WDR7: variants seen among roughly 807,000 people sequenced by gnomAD.
The protein encoded by WDR7 is WD repeat domain 7, also known as WD repeat-containing protein 7.
A neutral mutation model predicts 169.4 loss-of-function variants in WDR7; 46 were observed. The observed-to-expected ratio is 0.27, with a 90% CI of 0.21 to 0.35. The LOEUF (loss-of-function observed/expected upper bound fraction) is 0.35. Ranked by LOEUF, WDR7 falls within the 10% of genes least tolerant of loss-of-function variation. WDR7 has a pLI of 1.00. For missense variants in WDR7, 1,534 were observed against 1,859.3 expected, an observed-to-expected ratio of 0.83 and a Z score of 3.22; for synonymous variants, 612 against 666.8, an observed-to-expected ratio of 0.92 and a Z score of 1.27.
chr18:56,811,979 T>C lies in WDR7; in HGVS notation c.3191-4052T>C, dbSNP rs563589198. 3.3e-5 allele frequency among the ~76,000 whole-genome samples: 5 copies of C among 152,330 alleles called. No individual in the cohort carries two copies. In the South Asian group the frequency reaches 8.3e-4, roughly 25 times the overall value. On this transcript the variant is annotated intron_variant, in intron 19 of 27. Transcript: ENST00000254442. ...TCTTTCATATAATTTTAGAATACTTTTGTTGATATCTACAAAAAACTTACT... is the reference window on the plus strand; with the variant it reads ...TCTTTCATATAATTTTAGAATACTTCTGTTGATATCTACAAAAAACTTACT...
chr18:56,790,175 T>C (rs1474827443), intron 19 of WDR7, among the ~76,000 whole-genome samples: 2 of 152,248 alleles, frequency 1.3e-5, no homozygotes, highest in African/African-American at 2.4e-5. Context: ...CTTTTAAATA[T>C]AAATTTTCTT....
chr18:56,882,941 G>A (rs899632422), intron 21 of WDR7, among the ~76,000 whole-genome samples: 5 of 152,022 alleles, frequency 3.3e-5, no homozygotes, highest in South Asian at 2.1e-4. Context: ...ATGTAGGAAC[G>A]GCTGGGCGCG....
At chr18:56,761,715 CATAT>C (rs1266507902) in intron 16 of WDR7, among the ~76,000 whole-genome samples, 1 of 151,524 alleles carries the variant, frequency 6.6e-6, no homozygotes, top group Non-Finnish European at 1.5e-5. Context: ...AGATATATAA[CATAT>C]ATATCTAAAT....
chr18:56,721,286 C>T (rs191225714), intron 13 of WDR7, among the ~76,000 whole-genome samples: 3 of 152,186 alleles, frequency 2.0e-5, no homozygotes, highest in East Asian at 1.9e-4. Flanking sequence ...TTCCTTTATA[C>T]GTTTATGCAG....
At chr18:56,704,039 T>C (rs1249920664) in intron 12 of WDR7, among the ~76,000 whole-genome samples, 2 of 152,214 alleles carry the variant, frequency 1.3e-5, no homozygotes, top group African/African-American at 4.8e-5. Context: ...ATCCTGTTTA[T>C]AATCTTTTAA....
chr18:56,861,369 T>G (rs901460382), intron 20 of WDR7, among the ~76,000 whole-genome samples: 1 of 152,226 alleles, frequency 6.6e-6, no homozygotes, highest in Non-Finnish European at 1.5e-5. Context: ...GAGTGTGTTC[T>G]GTATTCAGCA....
At chr18:57,032,067 A>G (rs1467891134), downstream of WDR7, 4 of 152,180 alleles carry the variant, frequency 2.6e-5, no homozygotes, top group Non-Finnish European at 5.9e-5. Context: ...CCATATTGCT[A>G]TGTGTTACCA....
chr18:56,843,403 C>A (rs1218969971), intron 20 of WDR7, among the ~76,000 whole-genome samples: 1 of 152,144 alleles, frequency 6.6e-6, no homozygotes, highest in Non-Finnish European at 1.5e-5. Flanking sequence ...CTCTGTCAAC[C>A]ACTGTTCTGC....
intron 1 of WDR7, among the ~76,000 whole-genome samples, chr18:56,670,703 G>T (rs896209950): frequency 2.6e-5 from 4 of 152,044 alleles, no homozygotes; most frequent in African/African-American, 7.2e-5. Context: ...CAGGGACGGG[G>T]TTTCACCATG....
intron 22 of WDR7, among the ~76,000 whole-genome samples, chr18:56,925,927 G>A (rs1800168112): frequency 6.6e-6 from 1 of 152,146 alleles, no homozygotes; most frequent in South Asian, 2.1e-4. Context: ...GCTAATTAAA[G>A]TACCTGTCTC....
chr18:56,686,037 GA>G lies in WDR7; in HGVS notation c.597+10del, dbSNP rs1383141903. 1.3e-6 allele frequency: 2 copies of G among 1,585,552 alleles called. No individual in the cohort carries two copies. Among genetic ancestry groups the G allele is most frequent in the South Asian group, 1.2e-5 (1 of 86,638 alleles). On this transcript the variant is annotated splice_donor_region_variant and intron_variant, in intron 6 of 27. Transcript: ENST00000254442. ...TCGGAAATAAGTGACATGCAGGTGA[GA>G]AAAAGGAAACTGGGGTGATTTCTCT...
At chr18:56,950,414 C>T (rs1787453) in intron 25 of WDR7, among the ~76,000 whole-genome samples, 34,856 of 152,030 alleles carry the variant, frequency 0.23, 8,293 homozygotes, top group African/African-American at 0.61. Flanking sequence ...TGCTTTTGCA[C>T]CATCAGTGCA....
At chr18:56,800,108 T>C (rs1040809224) in intron 19 of WDR7, among the ~76,000 whole-genome samples, 2 of 152,210 alleles carry the variant, frequency 1.3e-5, no homozygotes, top group African/African-American at 2.4e-5. Context: ...TCTGTGGTCT[T>C]CTTACTGTCT....
chr18:56,682,604 T>A, intron 4 of WDR7, 75 bp from the exon 5 acceptor site: 7 of 1,473,768 alleles, frequency 4.7e-6, no homozygotes, highest in Non-Finnish European at 6.4e-6. Flanking sequence ...ATAACCTTGA[T>A]GAATGCATAT....
chr18:56,991,743 A>C (rs968579213), intron 26 of WDR7, among the ~76,000 whole-genome samples: 1 of 152,242 alleles, frequency 6.6e-6, no homozygotes, highest in Non-Finnish European at 1.5e-5. Flanking sequence ...TATTGGCAAC[A>C]GCCCAAGATA....
chr18:56,989,083 GAA>G (rs35161458), intron 26 of WDR7, among the ~76,000 whole-genome samples: 28,393 of 136,340 alleles, frequency 0.21, 3,478 homozygotes, highest in Middle Eastern at 0.35. Context: ...ATGGTTTTTT[GAA>G]AAAAAAAAAA....
At chr18:56,837,762 G>A (rs2145311715) in intron 20 of WDR7, among the ~76,000 whole-genome samples, 1 of 152,240 alleles carries the variant, frequency 6.6e-6, no homozygotes, top group South Asian at 2.1e-4. Flanking sequence ...CTGGGTGCAA[G>A]CTATTCTCCT....
intron 17 of WDR7, among the ~76,000 whole-genome samples, chr18:56,777,582 C>T (rs78202257): frequency 0.014 from 2,059 of 152,210 alleles, 46 homozygotes; most frequent in African/African-American, 0.047. Flanking sequence ...CTTAATGAAA[C>T]GTGAGCTCTG....
chr18:56,827,279 G>A (rs1053718687), intron 20 of WDR7, among the ~76,000 whole-genome samples: 5 of 152,162 alleles, frequency 3.3e-5, no homozygotes, highest in African/African-American at 9.7e-5. Flanking sequence ...CCTGAAATAT[G>A]AGGATAATAA....
Sources: allele counts gnomAD v4.1 joint callset (sites outside exome capture counted in the v4.1 genomes callset), GRCh38; gene constraint gnomAD v4.1.1; transcripts MANE v1.5; gene names NCBI Gene and HGNC (gene_info 2026-07-23, HGNC 2026-07-21).